The following MMP26 variants were observed in gnomAD, a reference collection of about 807,000 sequenced individuals.
MMP26 encodes the protein matrix metallopeptidase 26.
MMP26 carries 33 observed loss-of-function variants against 31.0 expected under a neutral mutation model. That is an observed-to-expected ratio of 1.06 (90% confidence interval 0.81 to 1.42). The LOEUF (loss-of-function observed/expected upper bound fraction) is 1.42. MMP26 is among the 40% of genes most tolerant of loss of function. The pLI is 0.00. For missense variants in MMP26, 347 were observed against 316.1 expected (o/e 1.10, Z -0.74); for synonymous variants, 122 against 114.9 (o/e 1.06, Z -0.40).
At chr11:4,940,275 G>A (rs1329663512) in intron 2 of MMP26, among the ~76,000 whole-genome samples, 3 of 151,988 alleles carry the variant, frequency 2.0e-5, no homozygotes, top group East Asian at 3.9e-4. Flanking sequence ...TACAGACTGG[G>A]CATGCCTGGA....
chr11:4,706,577 C>CAAAAAAAAA (rs71050423), intron 1 of MMP26, among the ~76,000 whole-genome samples: 3 of 87,550 alleles, frequency 3.4e-5, no homozygotes, highest in Admixed American at 1.3e-4. Flanking sequence ...GACCCTATCT[C>CAAAAAAAAA]AAAAAAAAAA....
intron 2 of MMP26, among the ~76,000 whole-genome samples, chr11:4,959,174 C>A (rs981065723): frequency 7.2e-6 from 1 of 139,134 alleles, no homozygotes; most frequent in Non-Finnish European, 1.5e-5. Flanking sequence ...GGAGGCGGAG[C>A]TTGCAGTGAG....
intron 2 of MMP26, among the ~76,000 whole-genome samples, chr11:4,932,783 G>A (rs1851369428): frequency 6.6e-6 from 1 of 152,056 alleles, no homozygotes; most frequent in Non-Finnish European, 1.5e-5. Flanking sequence ...GTCGAATGAA[G>A]TCCCCAAAGT....
intron 2 of MMP26, among the ~76,000 whole-genome samples, chr11:4,968,170 A>T (rs1338688540): frequency 6.6e-6 from 1 of 152,144 alleles, no homozygotes; most frequent in African/African-American, 2.4e-5. Context: ...TGCTGATAGC[A>T]TTATATTAGA....
At chr11:4,961,293 C>T (rs1846517288) in intron 2 of MMP26, among the ~76,000 whole-genome samples, 1 of 152,160 alleles carries the variant, frequency 6.6e-6, no homozygotes, top group South Asian at 2.1e-4. Context: ...AAAAGTCTGT[C>T]CTAGCTTTCA....
In MMP26 at chr11:4,769,156, G is replaced by T. The variant is rs142202588; in HGVS notation, c.-145+1815G>T. On this transcript the variant is annotated intron_variant, in intron 2 of 7. Transcript: ENST00000380390. The stretch of plus-strand genomic sequence containing the variant: ...CCAAGGACAGGCTCAGCATGTGGAT[G>T]TAGAAGAAAGCAACTGCTCCCACAT... The T allele has an allele frequency of 5.4e-4, 877 of 1,613,760 alleles. 4 individuals are homozygous for T. The Middle Eastern group carries it at 8.4e-3, about 15-fold the overall frequency.
At chr11:4,713,629 A>G (rs1028745041) in intron 1 of MMP26, among the ~76,000 whole-genome samples, 3 of 152,164 alleles carry the variant, frequency 2.0e-5, no homozygotes, top group Non-Finnish European at 4.4e-5. Context: ...AATATGAAAG[A>G]TACTTCAAAT....
chr11:4,881,786 A>T (rs995261378), intron 2 of MMP26: 2 of 983,998 alleles, frequency 2.0e-6, no homozygotes, highest in South Asian at 3.3e-5. Flanking sequence ...ACAGAAGAAA[A>T]ATAACTACCT....
chr11:4,759,155 A>G (rs1402444152), intron 1 of MMP26, among the ~76,000 whole-genome samples: 1 of 151,772 alleles, frequency 6.6e-6, no homozygotes, highest in Non-Finnish European at 1.5e-5. Flanking sequence ...TTTGGCAAAA[A>G]TAATTAAAAA....
intron 1 of MMP26, among the ~76,000 whole-genome samples, chr11:4,706,577 C>CAAAAAAAAAAAAAAAAAAAAAAAAAA (rs71050423): frequency 2.3e-5 from 2 of 87,560 alleles, no homozygotes; most frequent in East Asian, 4.1e-4. Context: ...GACCCTATCT[C>CAAAAAAAAAAAAAAAAAAAAAAAAAA]AAAAAAAAAA....
intron 1 of MMP26, among the ~76,000 whole-genome samples, chr11:4,741,382 C>G (rs7122603): frequency 0.044 from 6,715 of 152,164 alleles, 478 homozygotes; most frequent in African/African-American, 0.16. Flanking sequence ...TTTACAATAG[C>G]AAAGTCATGT....
At chr11:4,767,733 G>C (rs1848650783) in intron 2 of MMP26, among the ~76,000 whole-genome samples, 1 of 152,074 alleles carries the variant, frequency 6.6e-6, no homozygotes, top group Admixed American at 6.6e-5. Context: ...CTTGCAAGCT[G>C]GTGTGTGCTC....
intron 2 of MMP26, among the ~76,000 whole-genome samples, chr11:4,836,314 T>C (rs80332242): frequency 0.017 from 2,630 of 152,060 alleles, 76 homozygotes; most frequent in African/African-American, 0.051. Context: ...TAATAAATGC[T>C]GTGGTGGTGA....
At chr11:4,742,152 G>T (rs551011219) in intron 1 of MMP26, among the ~76,000 whole-genome samples, 1 of 152,300 alleles carries the variant, frequency 6.6e-6, no homozygotes, top group African/African-American at 2.4e-5. Flanking sequence ...AAATCAGACA[G>T]ATACATTCAG....
intron 2 of MMP26, chr11:4,914,993 G>A (rs200691528): frequency 8.7e-6 from 14 of 1,614,114 alleles, no homozygotes; most frequent in Admixed American, 1.7e-5. Flanking sequence ...CAGGATCAGA[G>A]CATAAGAGAA....
At chr11:4,845,505 T>C (rs1205669623) in intron 2 of MMP26, among the ~76,000 whole-genome samples, 1 of 152,050 alleles carries the variant, frequency 6.6e-6, no homozygotes, top group Non-Finnish European at 1.5e-5. Context: ...AAAAAAACAT[T>C]GGGGAAATTC....
intron 2 of MMP26, among the ~76,000 whole-genome samples, chr11:4,851,113 G>A (rs763745786): frequency 3.9e-5 from 6 of 152,132 alleles, no homozygotes; most frequent in South Asian, 2.1e-4. Flanking sequence ...TTGACACCCT[G>A]GAAATCCATT....
chr11:4,883,365 A>G lies in MMP26; in HGVS notation c.-144-104703A>G, dbSNP rs1033153105. On this transcript the variant is annotated intron_variant, in intron 2 of 7. Coordinates refer to ENST00000380390, the MANE Select transcript of MMP26 (RefSeq NM_021801.5). ...GAAAGTTATAATTAAAAACTTTAGG[A>G]AAATCTTGTACATTGGTTTCAGTTC... 3.3e-5 allele frequency among the ~76,000 whole-genome samples: 5 copies of G among 152,132 alleles called. No individual in the cohort carries two copies. The East Asian group carries it at 9.6e-4, about 29-fold the overall frequency.
intron 2 of MMP26, among the ~76,000 whole-genome samples, chr11:4,778,562 G>T (rs77391320): frequency 0.043 from 6,512 of 151,954 alleles, 485 homozygotes; most frequent in African/African-American, 0.15. Context: ...TAAGAATAAA[G>T]CTTCAACTTT....
Sources: allele counts gnomAD v4.1 joint callset (sites outside exome capture counted in the v4.1 genomes callset), GRCh38; gene constraint gnomAD v4.1.1; transcripts MANE v1.5; gene names NCBI Gene and HGNC (gene_info 2026-07-23, HGNC 2026-07-21).